The following NAALADL2 variants were observed in gnomAD, a reference collection of about 807,000 sequenced individuals.
NAALADL2 encodes N-acetylated alpha-linked acidic dipeptidase like 2.
In NAALADL2, 76 loss-of-function variants were observed where a neutral mutation model predicts 87.2. The ratio of observed to expected loss-of-function variants is 0.87; its 90% CI spans 0.72 to 1.05. NAALADL2 has a LOEUF of 1.05. Ranked by LOEUF, NAALADL2 falls within the 50% of genes least tolerant of loss-of-function variation. The pLI is 0.00. For missense variants in NAALADL2, 1,089 were observed against 945.8 expected, an observed-to-expected ratio of 1.15 and a Z score of -1.99; for synonymous variants, 354 against 331.0, an observed-to-expected ratio of 1.07 and a Z score of -0.75.
At chr3:175,748,145 TTTTATC>T (rs1746163230) in intron 12 of NAALADL2, among the ~76,000 whole-genome samples, 1 of 152,210 alleles carries the variant, frequency 6.6e-6, no homozygotes, top group East Asian at 1.9e-4. Context: ...AATAATATCT[TTTTATC>T]TATGCATTAT....
At position 174,604,200 on chromosome 3, in the gene NAALADL2, T is replaced by C. The variant is rs573387632; in HGVS notation, c.-115+53563T>C. ...GTTGGGGTCTCTAACTATTATTGTA[T>C]TTCTCTTTAGCTCTAATAATATTTA... On this transcript the variant is annotated intron_variant, in intron 2 of 3. Coordinates refer to the NAALADL2 transcript ENST00000434257. Among the ~76,000 whole-genome samples the C allele has an allele frequency of 1.6e-3, 239 of 152,324 alleles. 2 individuals are homozygous for C. The highest frequency in any genetic ancestry group is 5.7e-3 in the African/African-American group (235 of 41,572).
chr3:175,693,724 G>A (rs1408136197), intron 11 of NAALADL2, among the ~76,000 whole-genome samples: 1 of 152,116 alleles, frequency 6.6e-6, no homozygotes, highest in Non-Finnish European at 1.5e-5. Flanking sequence ...CGTTTTGACA[G>A]AGTCTTGCTC....
At chr3:175,217,156 C>T (rs566990351) in intron 2 of NAALADL2, among the ~76,000 whole-genome samples, 7 of 152,276 alleles carry the variant, frequency 4.6e-5, no homozygotes, top group African/African-American at 1.2e-4. Flanking sequence ...CAATTTTATT[C>T]ACTTCATTTA....
At chr3:175,348,579 A>G (rs912233135) in intron 5 of NAALADL2, among the ~76,000 whole-genome samples, 1 of 151,444 alleles carries the variant, frequency 6.6e-6, no homozygotes, top group East Asian at 1.9e-4. Flanking sequence ...ATCTTCCCAG[A>G]CTCCTGCAGT....
chr3:175,044,704 A>T (rs1029634474), intron 1 of NAALADL2, among the ~76,000 whole-genome samples: 9 of 152,282 alleles, frequency 5.9e-5, no homozygotes, highest in African/African-American at 2.2e-4. Context: ...CTATGGGGCC[A>T]CATAGGTTGT....
At chr3:174,636,405 C>A (rs75971042) in intron 2 of NAALADL2, among the ~76,000 whole-genome samples, 6,762 of 152,158 alleles carry the variant, frequency 0.044, 372 homozygotes, top group African/African-American at 0.13. Context: ...GAAAGACAAC[C>A]TATTGAGTGG....
chr3:175,748,429 C>T (rs1434136269), intron 12 of NAALADL2, among the ~76,000 whole-genome samples: 1 of 152,070 alleles, frequency 6.6e-6, no homozygotes, highest in Non-Finnish European at 1.5e-5. Context: ...TACATTTTCC[C>T]CCAAAATAAT....
chr3:175,269,136 A>C (rs952788114), intron 4 of NAALADL2, among the ~76,000 whole-genome samples: 1 of 151,712 alleles, frequency 6.6e-6, no homozygotes, highest in African/African-American at 2.4e-5. Context: ...ACGGGATTTC[A>C]CCATGTTGAC....
chr3:175,520,391 C>T (rs534413046), intron 9 of NAALADL2, among the ~76,000 whole-genome samples: 14 of 146,722 alleles, frequency 9.5e-5, no homozygotes, highest in Admixed American at 6.4e-4. Context: ...CTCCGCTTCC[C>T]GGGTTCACGC....
At chr3:175,797,985 T>G (rs1468580720) in intron 13 of NAALADL2, among the ~76,000 whole-genome samples, 1 of 152,050 alleles carries the variant, frequency 6.6e-6, no homozygotes, top group Admixed American at 6.6e-5. Context: ...TGATTTTGTT[T>G]TAACCTTCCA....
intron 11 of NAALADL2, among the ~76,000 whole-genome samples, chr3:175,691,124 T>G (rs1736978531): frequency 6.6e-6 from 1 of 151,586 alleles, no homozygotes; most frequent in African/African-American, 2.4e-5. Flanking sequence ...GTAATAATTT[T>G]AGATACTAAA....
At chr3:174,856,104 T>C (rs1017425859), upstream of NAALADL2, among the ~76,000 whole-genome samples, 12 of 151,826 alleles carry the variant, frequency 7.9e-5, no homozygotes, top group African/African-American at 2.9e-4. Flanking sequence ...ACTTCTGGAC[T>C]CAAGCAATCC....
chr3:175,071,434 T>C (rs1715621291), intron 1 of NAALADL2, among the ~76,000 whole-genome samples: 1 of 152,238 alleles, frequency 6.6e-6, no homozygotes, highest in South Asian at 2.1e-4. Context: ...GAAGTCATTC[T>C]TTTCTCTTTT....
chr3:175,564,633 C>G (rs1439231322), intron 9 of NAALADL2, among the ~76,000 whole-genome samples: 1 of 152,168 alleles, frequency 6.6e-6, no homozygotes, highest in African/African-American at 2.4e-5. Flanking sequence ...CAGCATGGAA[C>G]AGCATTGTGA....
chr3:175,096,499 TGTGTG>T (rs1270898295), intron 1 of NAALADL2, among the ~76,000 whole-genome samples: 1 of 25,186 alleles, frequency 4.0e-5, no homozygotes, highest in African/African-American at 1.5e-4. Context: ...ATGGGGCGTG[TGTGTG>T]TGTGTGTGTG....
intron 8 of NAALADL2, among the ~76,000 whole-genome samples, chr3:175,469,210 CTG>C (rs1423578363): frequency 6.6e-6 from 1 of 152,014 alleles, no homozygotes; most frequent in East Asian, 1.9e-4. Context: ...TTATAATTTA[CTG>C]TGTCTCACCA....
At chr3:175,367,346 C>A (rs1390163034) in intron 5 of NAALADL2, among the ~76,000 whole-genome samples, 2 of 141,110 alleles carry the variant, frequency 1.4e-5, no homozygotes, top group South Asian at 2.2e-4. Context: ...GATGCGGGCT[C>A]TTTTTTGCTT....
intron 3 of NAALADL2, among the ~76,000 whole-genome samples, chr3:174,785,116 C>T (rs1349487909): frequency 6.6e-6 from 1 of 152,130 alleles, no homozygotes; most frequent in South Asian, 2.1e-4. Context: ...ATATGAATGA[C>T]ACTGTCACCC....
At chr3:175,629,236 TAAAC>T (rs908735893) in intron 11 of NAALADL2, among the ~76,000 whole-genome samples, 12 of 148,624 alleles carry the variant, frequency 8.1e-5, no homozygotes, top group African/African-American at 2.9e-4. Flanking sequence ...TATATATTCA[TAAAC>T]ATATATGATA....
Sources: allele counts gnomAD v4.1 joint callset (sites outside exome capture counted in the v4.1 genomes callset), GRCh38; gene constraint gnomAD v4.1.1; transcripts MANE v1.5; gene names NCBI Gene and HGNC (gene_info 2026-07-23, HGNC 2026-07-21).